The following PEPD variants were observed in gnomAD, a reference collection of about 807,000 sequenced individuals.
The protein encoded by PEPD is xaa-Pro dipeptidase.
A neutral mutation model predicts 60.7 loss-of-function variants in PEPD; 53 were observed. That is an observed-to-expected ratio of 0.87 (90% confidence interval 0.70 to 1.10). The LOEUF (loss-of-function observed/expected upper bound fraction) is 1.10, where lower values mean the gene tolerates loss of function less well. PEPD is among the 50% of genes least tolerant of loss of function. PEPD has a pLI of 0.00. For synonymous variants in PEPD, 267 were observed against 284.1 expected, an observed-to-expected ratio of 0.94 and a Z score of 0.60; for missense variants, 711 against 711.9, an observed-to-expected ratio of 1.00 and a Z score of 0.01.
rs918645844 is a variant in PEPD at position 33,450,194 on chromosome 19, C to T, written c.671+12801G>A. Among the ~76,000 whole-genome samples, 5 of 152,234 alleles carry T rather than the reference C, an allele frequency of 3.3e-5. No homozygotes were observed. The East Asian group carries it at 9.6e-4, about 29-fold the overall frequency. ...GAGTTGCTCGTCCCTCCAGACCCCC[C>T]GTGCTGCCTACTGGCTGAAGAACTT... On this transcript the variant is annotated intron_variant, in intron 9 of 14. Transcript: ENST00000244137.
intron 6 of PEPD, chr19:33,487,499 G>A (rs1013121212): frequency 3.9e-5 from 6 of 152,332 alleles, no homozygotes; most frequent in African/African-American, 1.4e-4. Flanking sequence ...AGATGGCCAC[G>A]AGGGTTCTCA....
chr19:33,405,398 T>C (rs1272065162), intron 11 of PEPD, among the ~76,000 whole-genome samples: 1 of 152,262 alleles, frequency 6.6e-6, no homozygotes, highest in African/African-American at 2.4e-5. Flanking sequence ...GGCACGGCTC[T>C]TAGCTGTTCA....
intron 7 of PEPD, among the ~76,000 whole-genome samples, chr19:33,471,696 A>G (rs930457747): frequency 1.2e-4 from 19 of 152,312 alleles, no homozygotes; most frequent in Admixed American, 5.2e-4. Context: ...TCAGGACAGG[A>G]TGACAAAGAT....
At chr19:33,448,538 T>TC (rs35026918) in intron 9 of PEPD, among the ~76,000 whole-genome samples, 1 of 152,106 alleles carries the variant, frequency 6.6e-6, no homozygotes, top group Non-Finnish European at 1.5e-5. Flanking sequence ...TCTTTTTTTT[T>TC]CCCCAGAGCT....
chr19:33,457,159 T>C (rs945807738), intron 9 of PEPD, among the ~76,000 whole-genome samples: 5 of 151,100 alleles, frequency 3.3e-5, no homozygotes, highest in Non-Finnish European at 5.9e-5. Context: ...AGGCCGGGCA[T>C]AGTGGCTTAT....
intron 5 of PEPD, among the ~76,000 whole-genome samples, chr19:33,490,674 T>C (rs1970481974): frequency 1.3e-5 from 2 of 151,918 alleles, no homozygotes; most frequent in African/African-American, 4.8e-5. Flanking sequence ...TTTTACTTAT[T>C]TTTTTTTGAG....
intron 11 of PEPD, among the ~76,000 whole-genome samples, chr19:33,405,337 G>A (rs1035347831): frequency 4.6e-5 from 7 of 152,378 alleles, no homozygotes; most frequent in Admixed American, 2.0e-4. Context: ...ATGTTTATAT[G>A]AGAGCCACTT....
chr19:33,488,683 C>T (rs929036403), intron 6 of PEPD, among the ~76,000 whole-genome samples: 9 of 152,150 alleles, frequency 5.9e-5, no homozygotes, highest in East Asian at 3.9e-4. Context: ...ACCTACTACC[C>T]GCCCCTCCAC....
chr19:33,417,142 G>A (rs977823399), intron 9 of PEPD, among the ~76,000 whole-genome samples: 3 of 152,222 alleles, frequency 2.0e-5, no homozygotes, highest in Admixed American at 6.5e-5. Context: ...AGCAAGTGTC[G>A]GCCAAGCTAT....
intron 9 of PEPD, among the ~76,000 whole-genome samples, chr19:33,455,822 T>C (rs1054356142): frequency 6.6e-6 from 1 of 151,746 alleles, no homozygotes; most frequent in Non-Finnish European, 1.5e-5. Flanking sequence ...TGCCTGGCAA[T>C]ATCAGGTTTA....
chr19:33,474,050 C>A (rs1207628143), intron 7 of PEPD, among the ~76,000 whole-genome samples: 2 of 152,226 alleles, frequency 1.3e-5, no homozygotes, highest in African/African-American at 4.8e-5. Context: ...CCCAGCCAAG[C>A]TGCTAGCAGA....
chr19:33,388,037 A>C lies in PEPD; in HGVS notation c.1197T>G (p.Thr399=), dbSNP rs1968120591. Residue 399 remains threonine, a synonymous_variant, in exon 14 of 15, where the codon ACT becomes ACG. Transcript: ENST00000244137. The part of the protein sequence containing the change: ...IDEPGLRSLR[T]ARHLQPGMVL... ...CCATGCCTGGCTGCAGGTGCCGTGC[A>C]GTGCGCAGGCTCCGCAGGCCGGGCT... is the stretch of plus-strand genomic sequence containing the variant. The C allele has an allele frequency of 6.4e-7, 1 of 1,562,142 alleles. No homozygotes were observed.
chr19:33,453,314 A>T (rs925043882), intron 9 of PEPD, among the ~76,000 whole-genome samples: 1 of 146,178 alleles, frequency 6.8e-6, no homozygotes, highest in African/African-American at 2.5e-5. Context: ...ACACTGTCAT[A>T]AAAAAATAAA....
At chr19:33,456,684 T>G (rs931245057) in intron 9 of PEPD, among the ~76,000 whole-genome samples, 4 of 152,128 alleles carry the variant, frequency 2.6e-5, no homozygotes, top group African/African-American at 9.7e-5. Flanking sequence ...GACACACAGC[T>G]GGTCCCCAGG....
At chr19:33,470,465 C>G (rs766634818) in intron 7 of PEPD, among the ~76,000 whole-genome samples, 1 of 152,098 alleles carries the variant, frequency 6.6e-6, no homozygotes, top group African/African-American at 2.4e-5. Flanking sequence ...AGCACCCACC[C>G]GAAACACACT....
intron 12 of PEPD, 89 bp from the exon 13 acceptor site, chr19:33,391,568 T>C: frequency 8.4e-7 from 1 of 1,194,228 alleles, no homozygotes; most frequent in South Asian, 1.3e-5. Context: ...GCCCTCACAC[T>C]GGCTGTGGTG....
chr19:33,481,563 T>A (rs185189475), intron 6 of PEPD, among the ~76,000 whole-genome samples: 6 of 151,444 alleles, frequency 4.0e-5, no homozygotes, highest in Non-Finnish European at 8.8e-5. Flanking sequence ...TGAAACTCCA[T>A]CTCAAAAACA....
chr19:33,388,164 C>T (rs756387911), intron 13 of PEPD, 83 bp from the exon 14 acceptor site: 14 of 1,171,696 alleles, frequency 1.2e-5, no homozygotes, highest in Non-Finnish European at 1.7e-5. Context: ...CATGTGAGGG[C>T]CGGTGCCAGT....
intron 3 of PEPD, among the ~76,000 whole-genome samples, chr19:33,504,424 G>A (rs919674941): frequency 5.3e-5 from 8 of 152,180 alleles, no homozygotes; most frequent in South Asian, 4.1e-4. Flanking sequence ...GTCCAGCAAC[G>A]GTACTTCATG....
Sources: allele counts gnomAD v4.1 joint callset (sites outside exome capture counted in the v4.1 genomes callset), GRCh38; gene constraint gnomAD v4.1.1; transcripts MANE v1.5; gene names NCBI Gene and HGNC (gene_info 2026-07-23, HGNC 2026-07-21).